The following PLEKHG5 variants were observed in gnomAD, a reference collection of about 807,000 sequenced individuals.
PLEKHG5 encodes pleckstrin homology and RhoGEF domain containing G5, also known as pleckstrin homology domain-containing family G member 5.
Under a neutral mutation model 103.8 loss-of-function variants are expected in PLEKHG5, and 52 were observed. That is an observed-to-expected ratio of 0.50 (90% confidence interval 0.40 to 0.63). The LOEUF is 0.63. Among genes scored for constraint, PLEKHG5 ranks in the 30% least tolerant of loss-of-function variants. The pLI is 0.00. For synonymous variants in PLEKHG5, 592 were observed against 575.5 expected, an observed-to-expected ratio of 1.03 and a Z score of -0.41; for missense variants, 1,205 against 1,347.6, an observed-to-expected ratio of 0.89 and a Z score of 1.66.
upstream of PLEKHG5, chr1:6,497,346 G>C (rs1450516513): frequency 9.6e-7 from 1 of 1,038,186 alleles, no homozygotes; most frequent in Non-Finnish European, 1.2e-6. This position sits in a 1 kb window ranked among gnomAD's most constrained non-coding sequence, Gnocchi z 6.1. Context: ...GTGCCGCGCG[G>C]GGGGCGGGCG....
chr1:6,502,280 C>T (rs887113095), intron 1 of PLEKHG5, among the ~76,000 whole-genome samples: 3 of 152,254 alleles, frequency 2.0e-5, no homozygotes, highest in Admixed American at 6.5e-5. Flanking sequence ...TTCTGATCCC[C>T]TTCCCAAAGC....
chr1:6,511,402 G>C (rs1638467353), intron 1 of PLEKHG5, among the ~76,000 whole-genome samples: 1 of 152,210 alleles, frequency 6.6e-6, no homozygotes, highest in African/African-American at 2.4e-5. Context: ...CTGTAAAATG[G>C]AGACAATCCT....
chr1:6,470,377 G>T, intron 15 of PLEKHG5, 22 bp from the exon 16 acceptor site: 2 of 1,613,740 alleles, frequency 1.2e-6, no homozygotes, highest in South Asian at 2.2e-5. Context: ...TGGCGTGAAC[G>T]TAGGGGAGGC....
At chr1:6,481,277 T>C (rs950043189) in intron 1 of PLEKHG5, among the ~76,000 whole-genome samples, 4 of 152,008 alleles carry the variant, frequency 2.6e-5, no homozygotes, top group African/African-American at 9.7e-5. Context: ...ATGCCTGTAA[T>C]CCCAGCACTT....
upstream of PLEKHG5, chr1:6,497,435 C>A: frequency 3.0e-6 from 2 of 666,620 alleles, no homozygotes; most frequent in South Asian, 1.4e-4. This position sits in a 1 kb window ranked among gnomAD's most constrained non-coding sequence, Gnocchi z 6.1. Flanking sequence ...GGGAGGCGGG[C>A]GGGGCAGGTG....
At chr1:6,503,024 C>G (rs982937573) in intron 1 of PLEKHG5, among the ~76,000 whole-genome samples, 2 of 152,172 alleles carry the variant, frequency 1.3e-5, no homozygotes, top group Non-Finnish European at 2.9e-5. Context: ...CACTTGGGAT[C>G]TCAAAGGCCT....
chr1:6,511,814 T>C (rs1638479719), intron 1 of PLEKHG5, among the ~76,000 whole-genome samples: 1 of 152,202 alleles, frequency 6.6e-6, no homozygotes, highest in South Asian at 2.1e-4. Context: ...AGTGTGTGAC[T>C]GCCACTATGG....
At chr1:6,477,489 G>A (rs745877160) in intron 2 of PLEKHG5, 40 bp downstream of exon 2, 1 of 1,602,486 alleles carries the variant, frequency 6.2e-7, no homozygotes, top group South Asian at 1.1e-5. Flanking sequence ...ACTGACACAG[G>A]AGCTCTGGGG....
intron 1 of PLEKHG5, among the ~76,000 whole-genome samples, chr1:6,485,652 G>GC (rs1392986334): frequency 4.0e-4 from 3 of 7,592 alleles, no homozygotes; most frequent in African/African-American, 1.8e-3. Context: ...CCGCCTCCCC[G>GC]CCCGGGAACC....
intron 5 of PLEKHG5, 61 bp from the exon 6 acceptor site, chr1:6,474,648 C>A (rs1031171802): frequency 6.4e-7 from 1 of 1,556,332 alleles, no homozygotes; most frequent in African/African-American, 1.4e-5. Flanking sequence ...TCAGCTTGGG[C>A]CCCGCCCCCA....
chr1:6,493,239 C>T (rs908348052), upstream of PLEKHG5, among the ~76,000 whole-genome samples: 1 of 152,218 alleles, frequency 6.6e-6, no homozygotes, highest in African/African-American at 2.4e-5. Flanking sequence ...CAGCCAGGGT[C>T]ACTTCCCTTC....
intron 1 of PLEKHG5, among the ~76,000 whole-genome samples, chr1:6,516,918 A>ACCCACC (rs1553180758): frequency 1.9e-5 from 1 of 52,056 alleles, no homozygotes; most frequent in African/African-American, 3.8e-5. Context: ...ACACACACAC[A>ACCCACC]CACACACATG....
chr1:6,516,934 T>G (rs1430650667), intron 1 of PLEKHG5, among the ~76,000 whole-genome samples: 1 of 143,212 alleles, frequency 7.0e-6, no homozygotes, highest in Non-Finnish European at 1.5e-5. Flanking sequence ...ACATGTACAC[T>G]TTTGTTCTGC....
chr1:6,502,059 C>T (rs141177151), intron 1 of PLEKHG5, among the ~76,000 whole-genome samples: 85 of 152,394 alleles, frequency 5.6e-4, no homozygotes, highest in Non-Finnish European at 1.0e-3. Context: ...CCCTCCTGGG[C>T]GCCGGTCCAT....
upstream of PLEKHG5, chr1:6,496,532 A>G (rs1337330738): frequency 2.5e-6 from 4 of 1,602,700 alleles, no homozygotes; most frequent in South Asian, 3.3e-5. Context: ...CGGGGTTCTG[A>G]CAGCGCAGTC....
At chr1:6,489,516 C>T (rs1645105947) in intron 1 of PLEKHG5, among the ~76,000 whole-genome samples, 1 of 152,212 alleles carries the variant, frequency 6.6e-6, no homozygotes, top group Non-Finnish European at 1.5e-5. Context: ...AGGCTGGGAC[C>T]CAGTGCTAGA....
intron 1 of PLEKHG5, among the ~76,000 whole-genome samples, chr1:6,515,400 G>A (rs577201222): frequency 7.2e-5 from 11 of 152,228 alleles, no homozygotes; most frequent in South Asian, 4.1e-4. Context: ...GGTGGCGGGC[G>A]CCTGTAGTCC....
rs751787031 is a variant in PLEKHG5 at position 6,473,102 on chromosome 1, G to T, written c.868C>A (p.Arg290=). 1 of 1,613,798 alleles carries T rather than the reference G, an allele frequency of 6.2e-7. No individual in the cohort carries two copies. Among genetic ancestry groups the T allele is most frequent in the South Asian group, 1.1e-5 (1 of 91,084 alleles). The part of the protein sequence containing the change: ...YSLFGLPRLP[R]GLRFDHDSWE... ...GAGTCATGGTCGAAGCGCAGCCCCC[G>T]GGGCAGCCTGGGCAGCCCGAAGAGG... Residue 290 remains arginine (R), a synonymous_variant, in exon 9 of 21, where the codon CGG becomes AGG. Coordinates refer to ENST00000377728, the MANE Select transcript of PLEKHG5 (RefSeq NM_020631.6).
At position 6,486,897 on chromosome 1, in the gene PLEKHG5, A is replaced by AG. The variant is rs1373607885; in HGVS notation, c.-88+4739dup. ...ACACTCCTCAGAACCCATGGGGGTG[A>AG]GGTGGCCATGCTGTCTGTCATCAGC... On this transcript the variant is annotated intron_variant, in intron 1 of 20. Transcript: ENST00000377728. The surrounding 1 kb of genome is among the most constrained non-coding windows in gnomAD (Gnocchi z 5.3). Among the ~76,000 whole-genome samples, 2 of 152,182 alleles carry AG rather than the reference A, an allele frequency of 1.3e-5. No homozygotes were observed. Among genetic ancestry groups the AG allele is most frequent in the East Asian group, 3.8e-4 (2 of 5,196 alleles).
Sources: gnomAD v4.1 joint callset for allele counts (sites outside exome capture counted in the v4.1 genomes callset) on GRCh38, gnomAD v4.1.1 for gene constraint, Gnocchi (gnomAD v3.1) non-coding constraint, MANE v1.5 for transcripts, NCBI Gene and HGNC (gene_info 2026-07-23, HGNC 2026-07-21) for gene names.